Variants in PLA2G7 observed in about 807,000 individuals in gnomAD.
PLA2G7 encodes phospholipase A2 group VII, also known as platelet-activating factor acetylhydrolase.
PLA2G7 carries 63 observed loss-of-function variants against 49.6 expected under a neutral mutation model. The observed-to-expected ratio is 1.27, with a 90% CI of 1.04 to 1.57. The LOEUF (loss-of-function observed/expected upper bound fraction) is 1.57, where lower values mean the gene tolerates loss of function less well. Among genes scored for constraint, PLA2G7 ranks in the 40% most tolerant of loss-of-function variants. The pLI, the probability that PLA2G7 is intolerant of heterozygous loss-of-function variation, is 0.00. For missense variants in PLA2G7, 596 were observed against 521.2 expected (o/e 1.14, Z -1.40); for synonymous variants, 193 against 169.9 (o/e 1.14, Z -1.06).
At chr6:46,732,929 A>G (rs1427877435) in intron 1 of PLA2G7, among the ~76,000 whole-genome samples, 1 of 152,208 alleles carries the variant, frequency 6.6e-6, no homozygotes, top group Non-Finnish European at 1.5e-5. Context: ...TTTTATGGAA[A>G]TTTCTCAACA....
At chr6:46,705,025 T>C (rs1562065863) in intron 11 of PLA2G7, 128 bp downstream of exon 11, 1 of 738,250 alleles carries the variant, frequency 1.4e-6, no homozygotes, top group East Asian at 2.6e-5. Flanking sequence ...TGTTTTCAAA[T>C]TGATATACTG....
rs1470081463 is a variant in PLA2G7 at position 46,705,300 on chromosome 6, C to G, written c.1042G>C (p.Gly348Arg). ...TCAGCAAAATTCTGGTGGACTGAAC[C>G]CCTAAAAGAGAACAAGACATTTAAA... ...DKERKMITIR[G>R]SVHQNFADFT... is the part of the protein sequence containing the mutation. The change falls in exon 11 of 12, where the codon GGT (glycine) becomes CGT (arginine). Residue 348 changes from glycine to arginine, a missense_variant and splice_region_variant. By Grantham distance (125) the Gly-to-Arg change is moderately radical. Coordinates refer to ENST00000274793, the MANE Select transcript of PLA2G7 (RefSeq NM_005084.4). 5.0e-6 allele frequency: 8 copies of G among 1,610,254 alleles called. No homozygotes were observed. Among genetic ancestry groups the G allele is most frequent in the Non-Finnish European group, 5.9e-6 (7 of 1,177,080 alleles).
At position 46,716,537 on chromosome 6, in the gene PLA2G7, A is replaced by G. The variant is rs753600819; in HGVS notation, c.232-9T>C. ...AAACGCAAGAAGGTGCCCTGTTAAG[A>G]AAGAAATTAATGCACTTTTAGAGAA... On this transcript the variant is annotated splice_polypyrimidine_tract_variant and intron_variant, in intron 3 of 11. Coordinates refer to ENST00000274793, the MANE Select transcript of PLA2G7 (RefSeq NM_005084.4). 6.2e-7 allele frequency: 1 copy of G among 1,613,264 alleles called. No individual in the cohort carries two copies. The highest frequency in any genetic ancestry group is 8.5e-7 in the Non-Finnish European group (1 of 1,179,348).
chr6:46,723,847 C>G (rs530971225), intron 1 of PLA2G7, among the ~76,000 whole-genome samples: 52 of 152,264 alleles, frequency 3.4e-4, no homozygotes, highest in African/African-American at 1.2e-3. Flanking sequence ...GGGGGAGAAG[C>G]CATTCACCCA....
At chr6:46,706,051 T>C (rs1448362389) in intron 10 of PLA2G7, among the ~76,000 whole-genome samples, 2 of 152,206 alleles carry the variant, frequency 1.3e-5, no homozygotes, top group Non-Finnish European at 2.9e-5. Context: ...CCAACTCTTT[T>C]CTCACTTTGC....
intron 8 of PLA2G7, among the ~76,000 whole-genome samples, chr6:46,710,208 C>T (rs1368894607): frequency 6.6e-6 from 1 of 152,146 alleles, no homozygotes; most frequent in Non-Finnish European, 1.5e-5. Flanking sequence ...CGCTCCCAAA[C>T]TTGTGTCAAG....
rs113478943 is a variant in PLA2G7, at chr6:46,718,008, G to C, written c.110-912C>G. Among the ~76,000 whole-genome samples, 574 of 152,240 alleles carry C rather than the reference G, an allele frequency of 3.8e-3. 2 individuals carry two copies. Among genetic ancestry groups the C allele is most frequent in the African/African-American group, 0.013 (540 of 41,544 alleles). ...TGGGTTTACAGGCGTGAACCACCACGCCCAGCCCCAAACCTCTATTGCTAA... is the reference window on the plus strand; with the variant it reads ...TGGGTTTACAGGCGTGAACCACCACCCCCAGCCCCAAACCTCTATTGCTAA... On this transcript the variant is annotated intron_variant, in intron 2 of 11. Coordinates refer to ENST00000274793, the MANE Select transcript of PLA2G7 (RefSeq NM_005084.4).
intron 1 of PLA2G7, among the ~76,000 whole-genome samples, chr6:46,727,999 T>A (rs535894806): frequency 9.2e-5 from 14 of 152,174 alleles, no homozygotes; most frequent in African/African-American, 3.4e-4. Context: ...TTGTAGAAAA[T>A]TTTTACAGCA....
chr6:46,726,266 A>C (rs910123639), intron 1 of PLA2G7, among the ~76,000 whole-genome samples: 1 of 152,158 alleles, frequency 6.6e-6, no homozygotes, highest in Non-Finnish European at 1.5e-5. Flanking sequence ...GGTCTAAAGC[A>C]CTCCAATATT....
In PLA2G7 at chr6:46,704,478, T is replaced by TCA. The variant is rs367858800; in HGVS notation, c.*80_*81dup. On this transcript the variant is annotated 3_prime_UTR_variant, in exon 12 of 12. Transcript: ENST00000274793. ...CTCTCTCTCTCTCTCTCTCTCTCTCTCACACACACACACACACACACACAC... is the reference window on the plus strand; with the variant it reads ...CTCTCTCTCTCTCTCTCTCTCTCTCTCACACACACACACACACACACACACAC... 1,844 of 86,404 alleles carry TCA rather than the reference T, an allele frequency of 0.021. 2 individuals carry two copies. The highest frequency in any genetic ancestry group is 0.043 in the Admixed American group (359 of 8,394). The allele number at this position is 86,404 out of a possible 1,614,324, so 5.4% of individuals were successfully genotyped here.
rs752812013 is a variant in PLA2G7, at chr6:46,704,541, T to C, written c.*19A>G. 27 of 1,476,092 alleles carry C rather than the reference T, an allele frequency of 1.8e-5. No homozygotes were observed. In the South Asian group the frequency reaches 2.9e-4, roughly 16 times the overall value. The allele number at this position is 1,476,092 out of a possible 1,614,324, so 91.4% of individuals were successfully genotyped here. The stretch of plus-strand genomic sequence containing the variant: ...TTAGACAGTTTTGAAACAAGACTTT[T>C]AAAAAACCTATTTTAATCCTAATTG... On this transcript the variant is annotated 3_prime_UTR_variant, in exon 12 of 12. Coordinates refer to ENST00000274793, the MANE Select transcript of PLA2G7 (RefSeq NM_005084.4).
intron 4 of PLA2G7, among the ~76,000 whole-genome samples, chr6:46,714,940 G>C (rs1765156529): frequency 6.6e-6 from 1 of 151,864 alleles, no homozygotes; most frequent in African/African-American, 2.4e-5. Context: ...TCTCCATGTT[G>C]GTCAGGCTGG....
chr6:46,730,781 T>A (rs960588857), intron 1 of PLA2G7, among the ~76,000 whole-genome samples: 6 of 152,146 alleles, frequency 3.9e-5, no homozygotes, highest in African/African-American at 1.4e-4. Flanking sequence ...CAAATAGATT[T>A]CTGGCTTCAA....
intron 2 of PLA2G7, among the ~76,000 whole-genome samples, chr6:46,720,538 G>A (rs1278054089): frequency 6.6e-6 from 1 of 152,194 alleles, no homozygotes; most frequent in Non-Finnish European, 1.5e-5. Flanking sequence ...GGGGGTGGCT[G>A]TGGAACAGGC....
intron 2 of PLA2G7, among the ~76,000 whole-genome samples, chr6:46,721,203 G>A (rs952732600): frequency 4.6e-5 from 7 of 151,900 alleles, no homozygotes; most frequent in African/African-American, 1.7e-4. Flanking sequence ...ACCACACCCA[G>A]CTAATTTTAT....
intron 9 of PLA2G7, among the ~76,000 whole-genome samples, chr6:46,708,430 A>C (rs1238648636): frequency 6.6e-6 from 1 of 152,218 alleles, no homozygotes; most frequent in African/African-American, 2.4e-5. Context: ...AAAACTTTTT[A>C]TTCAAAATAA....
chr6:46,723,805 G>GC (rs1165945976), intron 1 of PLA2G7, among the ~76,000 whole-genome samples: 1 of 152,026 alleles, frequency 6.6e-6, no homozygotes, highest in Non-Finnish European at 1.5e-5. Flanking sequence ...TCACCCTTCT[G>GC]CACAAAACCC....
intron 1 of PLA2G7, among the ~76,000 whole-genome samples, chr6:46,732,916 T>C (rs1437224033): frequency 2.0e-5 from 3 of 152,254 alleles, no homozygotes; most frequent in African/African-American, 7.2e-5. Flanking sequence ...TTCAATGCTT[T>C]TATTTTATGG....
At chr6:46,722,138 A>G (rs751834770) in intron 2 of PLA2G7, among the ~76,000 whole-genome samples, 4 of 151,792 alleles carry the variant, frequency 2.6e-5, no homozygotes, top group Non-Finnish European at 2.9e-5. Context: ...CGTTTTGGCC[A>G]CTCCTCCTGG....
Sources: allele counts gnomAD v4.1 joint callset (sites outside exome capture counted in the v4.1 genomes callset), GRCh38; gene constraint gnomAD v4.1.1; transcripts MANE v1.5; gene names NCBI Gene and HGNC (gene_info 2026-07-23, HGNC 2026-07-21).